SRPRB: variants seen among roughly 807,000 people sequenced by gnomAD.
SRPRB encodes the protein SRP receptor subunit beta, also known as signal recognition particle receptor subunit beta.
A neutral mutation model predicts 31.9 loss-of-function variants in SRPRB; 20 were observed. The ratio of observed to expected loss-of-function variants is 0.63; its 90% confidence interval spans 0.44 to 0.91. The LOEUF (loss-of-function observed/expected upper bound fraction) is 0.91, where lower values mean the gene tolerates loss of function less well. Ranked by LOEUF, SRPRB falls within the 40% of genes least tolerant of loss-of-function variation. The pLI is 0.00. For missense variants in SRPRB, 321 were observed against 324.9 expected, an observed-to-expected ratio of 0.99 and a Z score of 0.09; for synonymous variants, 146 against 132.8, an observed-to-expected ratio of 1.10 and a Z score of -0.68.
chr3:133,814,431 G>GGTTTTTTT (rs1303566003), intron 4 of SRPRB, among the ~76,000 whole-genome samples: 20 of 140,648 alleles, frequency 1.4e-4, no homozygotes, highest in African/African-American at 3.2e-4. Context: ...GCGCCTGGCC[G>GGTTTTTTT]GTTTTTTTGT....
chr3:133,786,375 G>C (rs937949643), intron 1 of SRPRB: 2 of 152,070 alleles, frequency 1.3e-5, no homozygotes, highest in African/African-American at 4.8e-5. Flanking sequence ...GGTTGGGGGG[G>C]GTGGCCAAAC....
At chr3:133,797,113 C>A (rs963418768) in intron 1 of SRPRB, among the ~76,000 whole-genome samples, 1 of 152,088 alleles carries the variant, frequency 6.6e-6, no homozygotes, top group African/African-American at 2.4e-5. Context: ...TGTATGATCC[C>A]AATTGCATAA....
chr3:133,818,854 G>T (rs936321591), intron 6 of SRPRB, among the ~76,000 whole-genome samples: 2 of 149,908 alleles, frequency 1.3e-5, no homozygotes, highest in East Asian at 3.9e-4. Context: ...GCTTAGTTTT[G>T]CCTGTGGATT....
intron 6 of SRPRB, among the ~76,000 whole-genome samples, chr3:133,819,111 G>A (rs1935418932): frequency 6.6e-6 from 1 of 152,110 alleles, no homozygotes; most frequent in African/African-American, 2.4e-5. Context: ...ATGAGAATCT[G>A]GAGTTGGTGG....
rs1013803156 is a variant in SRPRB, at chr3:133,806,132, A to G, written c.154+130A>G. 1.5e-5 allele frequency: 17 copies of G among 1,162,144 alleles called. No individual in the cohort carries two copies. In the Admixed American group the frequency reaches 1.9e-4, roughly 13 times the overall value. 72.0% of individuals were successfully genotyped at this position (1,162,144 alleles called of 1,614,324 possible). ...GGCATCAGGAGGGTGAGACCCACCC[A>G]GTCTACACCCCACCCTCTCTCCTGA... On this transcript the variant is annotated intron_variant, in intron 1 of 6. Transcript: ENST00000678299.
intron 6 of SRPRB, among the ~76,000 whole-genome samples, 164 bp downstream of exon 6, chr3:133,817,096 C>CAAA (rs1935381433): frequency 6.6e-6 from 1 of 152,124 alleles, no homozygotes. Flanking sequence ...AATGGAATCA[C>CAAA]AAAAACTTAC....
At position 133,805,846 on chromosome 3, in the gene SRPRB, T is replaced by C. The variant is rs1476839136; in HGVS notation, c.-3T>C. ...GCTGTACCGGGGACCACGCGTCTCA[T>C]CCATGGCTTCCGCGGACTCGCGCCG... is the stretch of plus-strand genomic sequence containing the variant. On this transcript the variant is annotated 5_prime_UTR_variant, in exon 1 of 7. Transcript: ENST00000678299. The C allele has an allele frequency of 6.2e-7, 1 of 1,607,894 alleles. No individual in the cohort carries two copies. Among genetic ancestry groups the C allele is most frequent in the Non-Finnish European group, 8.5e-7 (1 of 1,176,922 alleles).
intron 1 of SRPRB, chr3:133,791,487 A>G (rs541709947): frequency 6.6e-6 from 1 of 152,222 alleles, no homozygotes; most frequent in Non-Finnish European, 1.5e-5. Context: ...CTCTCTGTGC[A>G]AACTGCATAA....
chr3:133,828,181 A>G (rs1352831020), downstream of SRPRB: 1 of 582,934 alleles, frequency 1.7e-6, no homozygotes, highest in East Asian at 2.8e-5. Flanking sequence ...TTGACGACCC[A>G]CTCTGGCCAT....
intron 1 of SRPRB, among the ~76,000 whole-genome samples, chr3:133,798,369 A>C (rs565984727): frequency 6.6e-6 from 1 of 152,348 alleles, no homozygotes; most frequent in African/African-American, 2.4e-5. Context: ...TAAGTAATTC[A>C]GTGAAAATAT....
rs1340667584 is a variant in SRPRB at position 133,820,799 on chromosome 3, C to T, written c.*1033C>T. On this transcript the variant is annotated 3_prime_UTR_variant, in exon 7 of 7. Transcript: ENST00000678299. ...ATTAAATAGAATGTAATGGTGAGTACAAATGAGTGCACATGTCAGGACTCA... is the reference window on the plus strand; with the variant it reads ...ATTAAATAGAATGTAATGGTGAGTATAAATGAGTGCACATGTCAGGACTCA... 2.0e-5 allele frequency: 3 copies of T among 152,142 alleles called. No homozygotes were observed. The highest frequency in any genetic ancestry group is 2.9e-5 in the Non-Finnish European group (2 of 68,038). The allele number at this position is 152,142 out of a possible 1,614,324, so 9.4% of individuals were successfully genotyped here. A position where few individuals can be genotyped will look rare whatever the true frequency, so the allele number is the denominator to read the frequency against.
At chr3:133,823,328 C>T (rs1259668672), downstream of SRPRB, among the ~76,000 whole-genome samples, 1 of 152,174 alleles carries the variant, frequency 6.6e-6, no homozygotes, top group African/African-American at 2.4e-5. Flanking sequence ...GGTGCCGTCT[C>T]GGCTCACTGC....
intron 4 of SRPRB, among the ~76,000 whole-genome samples, chr3:133,815,247 C>A (rs1247406613): frequency 1.3e-5 from 2 of 152,140 alleles, no homozygotes; most frequent in Admixed American, 1.3e-4. Flanking sequence ...TTGCCTTTGA[C>A]CTGGTCTCAT....
At chr3:133,822,358 C>G (rs1332588141), downstream of SRPRB, among the ~76,000 whole-genome samples, 1 of 152,148 alleles carries the variant, frequency 6.6e-6, no homozygotes, top group Non-Finnish European at 1.5e-5. Flanking sequence ...CCCAGGCACT[C>G]TGTTGGTGAA....
chr3:133,804,776 G>A (rs1200513834), upstream of SRPRB, among the ~76,000 whole-genome samples: 1 of 151,674 alleles, frequency 6.6e-6, no homozygotes, highest in African/African-American at 2.4e-5. Flanking sequence ...CTTTTTCAAT[G>A]GCAATGTGGA....
At chr3:133,811,799 G>C (rs1337624311) in intron 4 of SRPRB, among the ~76,000 whole-genome samples, 1 of 152,066 alleles carries the variant, frequency 6.6e-6, no homozygotes, top group Non-Finnish European at 1.5e-5. Flanking sequence ...GGCCAGGCTT[G>C]TCTCGAACTC....
chr3:133,828,330 A>G (rs894405849), downstream of SRPRB: 8 of 353,902 alleles, frequency 2.3e-5, no homozygotes, highest in African/African-American at 1.7e-4. Flanking sequence ...TAATTGTTTT[A>G]ATTTATTGGG....
chr3:133,818,940 T>C (rs1160218377), intron 6 of SRPRB, among the ~76,000 whole-genome samples: 2 of 152,140 alleles, frequency 1.3e-5, no homozygotes, highest in Non-Finnish European at 2.9e-5. Flanking sequence ...CAGCATGTAT[T>C]CCTCTGCTTC....
intron 4 of SRPRB, among the ~76,000 whole-genome samples, chr3:133,813,464 C>T (rs943054748): frequency 6.6e-6 from 1 of 152,160 alleles, no homozygotes; most frequent in African/African-American, 2.4e-5. Flanking sequence ...TAGTTTATTA[C>T]ATTATTTTCA....
Sources: allele counts gnomAD v4.1 joint callset (sites outside exome capture counted in the v4.1 genomes callset), GRCh38; gene constraint gnomAD v4.1.1; transcripts MANE v1.5; gene names NCBI Gene and HGNC (gene_info 2026-07-23, HGNC 2026-07-21).